NGRN: variants seen among roughly 807,000 people sequenced by gnomAD.
The protein encoded by NGRN is neugrin.
In NGRN, 12 loss-of-function variants were observed where a neutral mutation model predicts 13.1. The observed-to-expected ratio is 0.92, with a 90% CI of 0.59 to 1.49. The LOEUF is 1.49. Among genes scored for constraint, NGRN ranks in the 40% most tolerant of loss-of-function variants. The pLI is 0.00. For missense variants in NGRN, 397 were observed against 357.0 expected (o/e 1.11, Z -0.90); for synonymous variants, 149 against 145.8 (o/e 1.02, Z -0.16).
chr15:90,267,342 T>C (rs1055492792), intron 2 of NGRN, among the ~76,000 whole-genome samples: 1 of 152,174 alleles, frequency 6.6e-6, no homozygotes, highest in Non-Finnish European at 1.5e-5. Flanking sequence ...GTACTATTTT[T>C]AATAGTTTTT....
intron 2 of NGRN, among the ~76,000 whole-genome samples, chr15:90,269,393 T>C (rs1201992615): frequency 6.6e-6 from 1 of 151,966 alleles, no homozygotes; most frequent in Non-Finnish European, 1.5e-5. Flanking sequence ...GTTTGTTATA[T>C]AGGTGTACAT....
At chr15:90,266,893 A>G (rs549784127) in intron 2 of NGRN, among the ~76,000 whole-genome samples, 1 of 152,330 alleles carries the variant, frequency 6.6e-6, no homozygotes, top group African/African-American at 2.4e-5. Context: ...GACAGGATCT[A>G]TAATTTAGGA....
At chr15:90,268,017 T>C (rs1268369206) in intron 2 of NGRN, among the ~76,000 whole-genome samples, 1 of 152,156 alleles carries the variant, frequency 6.6e-6, no homozygotes, top group Non-Finnish European at 1.5e-5. Context: ...TTGTTTGTTT[T>C]TTGTTTGAGG....
intron 2 of NGRN, among the ~76,000 whole-genome samples, chr15:90,270,279 A>G (rs1218012479): frequency 6.6e-6 from 1 of 152,032 alleles, no homozygotes; most frequent in African/African-American, 2.4e-5. Context: ...TAAACTCCAG[A>G]CCCCTAAGTG....
In NGRN at chr15:90,265,708, T is replaced by A; in HGVS notation, c.-5T>A. 1 of 1,613,276 alleles carries A rather than the reference T, an allele frequency of 6.2e-7. No homozygotes were observed. Among genetic ancestry groups the A allele is most frequent in the Non-Finnish European group, 8.5e-7 (1 of 1,179,852 alleles). On this transcript the variant is annotated 5_prime_UTR_variant, in exon 1 of 3. Transcript: ENST00000379095. ...GCCGACTGCTGAAGGCTGGTTTGCG[T>A]CGACATGGCGGTTACCCTGAGTCTC...
Sources: allele counts gnomAD v4.1 joint callset (sites outside exome capture counted in the v4.1 genomes callset), GRCh38; gene constraint gnomAD v4.1.1; transcripts MANE v1.5; gene names NCBI Gene and HGNC (gene_info 2026-07-23, HGNC 2026-07-21).